Variants in ZNF469 observed in about 807,000 individuals in gnomAD.
ZNF469 encodes the protein zinc finger protein 469.
In ZNF469, 1 loss-of-function variant was observed where a neutral mutation model predicts 1.0. The observed-to-expected ratio is 1.00, with a 90% CI of 0.35 to 4.73. ZNF469 has a LOEUF of 4.73. ZNF469 is among the 30% of genes most tolerant of loss of function. The probability of loss-of-function intolerance (pLI) is 0.16; values close to 1 mark genes in which losing one functional copy is unlikely to be tolerated. For missense variants in ZNF469, 6,100 were observed against 5,356.3 expected (o/e 1.14, Z -4.33); for synonymous variants, 2,703 against 2,363.4 (o/e 1.14, Z -4.17).
chr16:88,438,351 G>T lies in ZNF469; in HGVS notation c.10881G>T (p.Pro3627=). The T allele has an allele frequency of 6.5e-7, 1 of 1,550,190 alleles. No homozygotes were observed. Among genetic ancestry groups the T allele is most frequent in the Non-Finnish European group, 8.7e-7 (1 of 1,146,942 alleles). ...PLVFSGKRRA[P]GARGRCAPDH... ...TGTTCTCAGGGAAACGCAGGGCCCCGGGTGCCCGTGGCAGGTGTGCCCCTG... is the reference window on the plus strand; with the variant it reads ...TGTTCTCAGGGAAACGCAGGGCCCCTGGTGCCCGTGGCAGGTGTGCCCCTG... Residue 3627 remains proline, a synonymous_variant, in exon 3 of 3, where the codon CCG becomes CCT. Transcript: ENST00000565624.
At chr16:88,406,594 G>A (rs1012993744) in intron 1 of ZNF469, among the ~76,000 whole-genome samples, 9 of 152,298 alleles carry the variant, frequency 5.9e-5, no homozygotes, top group East Asian at 1.9e-4. Context: ...GGACTTAGAC[G>A]CAGAGGGTTC....
the ZNF469 span, among the ~76,000 whole-genome samples, chr16:88,374,657 C>G: frequency 6.6e-6 from 1 of 152,128 alleles, no homozygotes; most frequent in African/African-American, 2.4e-5. Context: ...TTTTCTTATT[C>G]ACACTAACCC....
chr16:88,187,204 T>G, the ZNF469 span, among the ~76,000 whole-genome samples: 2 of 152,042 alleles, frequency 1.3e-5, no homozygotes, highest in African/African-American at 4.8e-5. Context: ...TTGGGGACCC[T>G]GAAGCAGCTC....
the ZNF469 span, among the ~76,000 whole-genome samples, chr16:88,170,647 C>G: frequency 6.6e-6 from 1 of 152,162 alleles, no homozygotes; most frequent in Non-Finnish European, 1.5e-5. This position sits in a 1 kb window ranked among gnomAD's most constrained non-coding sequence, Gnocchi z 4.2. Context: ...CATGCTCCGT[C>G]ATGTCTATAC....
At chr16:88,140,873 C>G in the ZNF469 span, among the ~76,000 whole-genome samples, 1 of 152,286 alleles carries the variant, frequency 6.6e-6, no homozygotes, top group African/African-American at 2.4e-5. Flanking sequence ...GCGGAGGTTG[C>G]AGTGAGCTGA....
At chr16:88,365,558 A>G in the ZNF469 span, among the ~76,000 whole-genome samples, 1 of 152,108 alleles carries the variant, frequency 6.6e-6, no homozygotes, top group African/African-American at 2.4e-5. Context: ...AGAACCCTGG[A>G]GCCGGCCAGC....
At chr16:88,280,995 C>T in the ZNF469 span, among the ~76,000 whole-genome samples, 681 of 151,508 alleles carry the variant, frequency 4.5e-3, 4 homozygotes, top group Non-Finnish European at 7.8e-3. Flanking sequence ...TGGTCAGTAC[C>T]GTGTCAATTT....
the ZNF469 span, among the ~76,000 whole-genome samples, chr16:88,216,293 AG>A: frequency 6.6e-6 from 1 of 152,154 alleles, no homozygotes; most frequent in South Asian, 2.1e-4. Context: ...CAGGAGATCG[AG>A]AACATCCTGG....
At chr16:88,242,267 GCTT>G in the ZNF469 span, among the ~76,000 whole-genome samples, 88 of 152,348 alleles carry the variant, frequency 5.8e-4, no homozygotes, top group African/African-American at 2.1e-3. Flanking sequence ...CTGGTCTGCA[GCTT>G]CTTCTCTAAA....
the ZNF469 span, among the ~76,000 whole-genome samples, chr16:88,221,298 G>T: frequency 6.6e-6 from 1 of 152,226 alleles, no homozygotes; most frequent in Non-Finnish European, 1.5e-5. Context: ...GCTTCCCACG[G>T]CCGTGAGGGC....
chr16:88,178,151 CCATGGCCTGCCTGCTGT>C, the ZNF469 span: 1 of 152,250 alleles, frequency 6.6e-6, no homozygotes, highest in East Asian at 1.9e-4. Context: ...TGAGAGCAGG[CCATGGCCTGCCTGCTGT>C]CATGGCCCAT....
upstream of ZNF469, among the ~76,000 whole-genome samples, chr16:88,380,523 GCACTAACACA>G (rs2092519249): frequency 1.4e-5 from 1 of 73,402 alleles, no homozygotes; most frequent in African/African-American, 6.0e-5. Context: ...GCACACACAC[GCACTAACACA>G]CACGCACTAA....
chr16:88,249,755 A>G, the ZNF469 span, among the ~76,000 whole-genome samples: 1 of 152,110 alleles, frequency 6.6e-6, no homozygotes, highest in Admixed American at 6.6e-5. Flanking sequence ...ATTTTTTTAT[A>G]GAGACAGGGT....
intron 1 of ZNF469, among the ~76,000 whole-genome samples, chr16:88,405,029 G>A (rs1032639155): frequency 3.3e-5 from 5 of 152,166 alleles, no homozygotes; most frequent in Admixed American, 6.5e-5. Flanking sequence ...CTAACAGGGC[G>A]GGGAGGGGGT....
At chr16:88,108,216 T>C in the ZNF469 span, among the ~76,000 whole-genome samples, 6 of 142,320 alleles carry the variant, frequency 4.2e-5, no homozygotes, top group Middle Eastern at 3.6e-3. Context: ...AGGACAGAGG[T>C]GCACGTCTGT....
chr16:88,305,324 GCACACACGCACACCCT>G, the ZNF469 span, among the ~76,000 whole-genome samples: 1 of 75,290 alleles, frequency 1.3e-5, no homozygotes, highest in African/African-American at 4.7e-5. Flanking sequence ...ACACACACAG[GCACACACGCACACCCT>G]CACACACATG....
At chr16:88,283,910 C>A in the ZNF469 span, among the ~76,000 whole-genome samples, 6 of 132,950 alleles carry the variant, frequency 4.5e-5, no homozygotes, top group Non-Finnish European at 7.8e-5. Flanking sequence ...GGCTGGTAGA[C>A]CCCCAGTGTG....
chr16:88,208,779 GCA>G, the ZNF469 span, among the ~76,000 whole-genome samples: 4 of 133,704 alleles, frequency 3.0e-5, no homozygotes, highest in African/African-American at 8.3e-5. Flanking sequence ...GCGTGCGCGC[GCA>G]CACACACACA....
chr16:88,153,097 C>T, the ZNF469 span, among the ~76,000 whole-genome samples: 8 of 152,276 alleles, frequency 5.3e-5, no homozygotes, highest in East Asian at 1.9e-4. Flanking sequence ...CCTGCTGCCC[C>T]GGGCAGGTTG....
Sources: allele counts gnomAD v4.1 joint callset (sites outside exome capture counted in the v4.1 genomes callset), GRCh38; gene constraint gnomAD v4.1.1; non-coding constraint Gnocchi (gnomAD v3.1); transcripts MANE v1.5; gene names NCBI Gene and HGNC (gene_info 2026-07-23, HGNC 2026-07-21).